TUNAR: variants seen among roughly 807,000 people sequenced by gnomAD.
TUNAR encodes transmembrane neural differentiation associated intracellular calcium regulator.
intron 2 of TUNAR, among the ~76,000 whole-genome samples, chr14:95,901,743 G>T (rs567467547): frequency 6.6e-6 from 1 of 152,334 alleles, no homozygotes; most frequent in East Asian, 1.9e-4. Context: ...CTTCAAAGTA[G>T]GGAGGAGAAA....
At chr14:95,880,233 T>TA (rs1456295041) in intron 2 of TUNAR, among the ~76,000 whole-genome samples, 1 of 152,176 alleles carries the variant, frequency 6.6e-6, no homozygotes, top group Non-Finnish European at 1.5e-5. Flanking sequence ...TGGTTATTAA[T>TA]ACCTCCAGAA....
At chr14:95,887,664 C>G (rs1290066588) in intron 2 of TUNAR, among the ~76,000 whole-genome samples, 4 of 152,146 alleles carry the variant, frequency 2.6e-5, no homozygotes, top group Non-Finnish European at 4.4e-5. Context: ...TAAATTATTG[C>G]AGTTTCGGAC....
intron 2 of TUNAR, among the ~76,000 whole-genome samples, chr14:95,893,701 T>C (rs1366978716): frequency 6.6e-6 from 1 of 152,178 alleles, no homozygotes; most frequent in Non-Finnish European, 1.5e-5. Flanking sequence ...AACCCAGCTG[T>C]CTATGAGAAT....
chr14:95,890,268 C>T (rs549759406), intron 2 of TUNAR, among the ~76,000 whole-genome samples: 2 of 152,240 alleles, frequency 1.3e-5, no homozygotes, highest in African/African-American at 2.4e-5. Context: ...CTGTCTGGAG[C>T]CCCAGGTCTC....
At chr14:95,899,115 G>T (rs1021228365) in intron 2 of TUNAR, among the ~76,000 whole-genome samples, 1 of 152,154 alleles carries the variant, frequency 6.6e-6, no homozygotes, top group Non-Finnish European at 1.5e-5. Flanking sequence ...ATGGAGGCTG[G>T]CATCTCTTGG....
chr14:95,876,774 G>A (rs1888887027), intron 1 of TUNAR, 58 bp from the exon 1 acceptor site: 1 of 152,236 alleles, frequency 6.6e-6, no homozygotes, highest in African/African-American at 2.4e-5. Flanking sequence ...GCAGCGCGGT[G>A]CTGCTGGCGC....
At chr14:95,924,028 T>C (rs1889743164) in exon 3 of TUNAR, 1 of 152,228 alleles carries the variant, frequency 6.6e-6, no homozygotes, top group Non-Finnish European at 1.5e-5. Flanking sequence ...ACCGGCAGCG[T>C]TATTGTTTCA....
chr14:95,890,270 C>G (rs942056359), intron 2 of TUNAR, among the ~76,000 whole-genome samples: 1 of 152,190 alleles, frequency 6.6e-6, no homozygotes, highest in African/African-American at 2.4e-5. Flanking sequence ...GTCTGGAGCC[C>G]CAGGTCTCAC....
Position 95,916,855 on chromosome 14 carries a change from A to G in TUNAR, c.13-5926A>G, listed in dbSNP as rs1204783464. On this transcript the variant is annotated intron_variant, in intron 2 of 2. Coordinates refer to ENST00000678517, the Ensembl canonical transcript of TUNAR. Reference sequence around the variant, plus strand: ...TTTGATGGTAGCTCACTGTGTTTCAATGGGCATTTCTCTGGTACTGAGGTT... The same window carrying G: ...TTTGATGGTAGCTCACTGTGTTTCAGTGGGCATTTCTCTGGTACTGAGGTT... 4.6e-5 allele frequency among the ~76,000 whole-genome samples: 7 copies of G among 152,184 alleles called. No individual in the cohort carries two copies. The East Asian group carries it at 1.2e-3, about 25-fold the overall frequency.
At chr14:95,914,440 A>G (rs1889569655) in intron 2 of TUNAR, among the ~76,000 whole-genome samples, 3 of 152,342 alleles carry the variant, frequency 2.0e-5, no homozygotes, top group South Asian at 2.1e-4. Flanking sequence ...GGTTCTTATT[A>G]GCATCCATGG....
At chr14:95,923,008 C>T (rs1047734649) in exon 3 of TUNAR, 36 of 398,918 alleles carry the variant, frequency 9.0e-5, no homozygotes, top group South Asian at 2.5e-4. Flanking sequence ...TGGCCAAAGA[C>T]GGAAGTCCTG....
chr14:95,902,368 A>T (rs910649788), intron 2 of TUNAR, among the ~76,000 whole-genome samples: 6 of 152,206 alleles, frequency 3.9e-5, no homozygotes, highest in African/African-American at 1.4e-4. Flanking sequence ...TGCAGAGATG[A>T]GAATTTTTGT....
chr14:95,877,470 TG>T (rs1888908151), intron 2 of TUNAR, among the ~76,000 whole-genome samples: 1 of 152,174 alleles, frequency 6.6e-6, no homozygotes, highest in Non-Finnish European at 1.5e-5. Context: ...ACTTAGCATT[TG>T]GGGGCAACAA....
chr14:95,899,259 G>T (rs1389852647), intron 2 of TUNAR, among the ~76,000 whole-genome samples: 1 of 152,132 alleles, frequency 6.6e-6, no homozygotes, highest in African/African-American at 2.4e-5. Context: ...ATGGTTGGTG[G>T]CTTCTCATTG....
At chr14:95,894,323 G>A (rs999924032) in intron 2 of TUNAR, among the ~76,000 whole-genome samples, 1 of 152,222 alleles carries the variant, frequency 6.6e-6, no homozygotes, top group Non-Finnish European at 1.5e-5. Context: ...CACACGCTAT[G>A]TGCTGCATTT....
At chr14:95,884,728 T>G (rs1889045331) in intron 2 of TUNAR, among the ~76,000 whole-genome samples, 1 of 152,186 alleles carries the variant, frequency 6.6e-6, no homozygotes, top group African/African-American at 2.4e-5. Context: ...CTGTCATCCC[T>G]CCTTGTCTTC....
At chr14:95,912,722 A>G (rs113708337) in intron 2 of TUNAR, among the ~76,000 whole-genome samples, 3,503 of 152,366 alleles carry the variant, frequency 0.023, 128 homozygotes, top group African/African-American at 0.079. Flanking sequence ...ATTTGCAGTC[A>G]TAAGTAGAAC....
intron 2 of TUNAR, among the ~76,000 whole-genome samples, chr14:95,916,297 T>C (rs1889603902): frequency 6.6e-6 from 1 of 152,216 alleles, no homozygotes; most frequent in African/African-American, 2.4e-5. Flanking sequence ...TTTCTTTGTG[T>C]TTTTATCACA....
intron 2 of TUNAR, among the ~76,000 whole-genome samples, chr14:95,915,667 G>C (rs148986275): frequency 6.2e-4 from 95 of 152,344 alleles, no homozygotes; most frequent in African/African-American, 2.2e-3. Flanking sequence ...GAGTCCCCCT[G>C]CAGGGCTCTC....
Sources: gnomAD v4.1 joint callset for allele counts (sites outside exome capture counted in the v4.1 genomes callset) on GRCh38, gnomAD v4.1.1 for gene constraint, MANE v1.5 for transcripts, NCBI Gene and HGNC (gene_info 2026-07-23, HGNC 2026-07-21) for gene names.